PPP2R2D: variants seen among roughly 807,000 people sequenced by gnomAD.
PPP2R2D encodes the protein protein phosphatase 2 regulatory subunit Bdelta.
Under a neutral mutation model 31.1 loss-of-function variants are expected in PPP2R2D, and 9 were observed. That is an observed-to-expected ratio of 0.29 (90% CI 0.17 to 0.51). PPP2R2D has a LOEUF of 0.51. Ranked by LOEUF, PPP2R2D falls within the 20% of genes least tolerant of loss-of-function variation. The pLI is 0.98. For missense variants in PPP2R2D, 391 were observed against 465.6 expected, an observed-to-expected ratio of 0.84 and a Z score of 1.48; for synonymous variants, 179 against 172.6, an observed-to-expected ratio of 1.04 and a Z score of -0.29.
Position 131,945,534 on chromosome 10 carries a change from A to T in PPP2R2D, c.820+75A>T. On this transcript the variant is annotated intron_variant, in intron 7 of 8. Coordinates refer to ENST00000455566, the MANE Select transcript of PPP2R2D (RefSeq NM_018461.5). This position sits in a 1 kb window ranked among gnomAD's most constrained non-coding sequence, Gnocchi z 4.8. ...CGGTGCAGTGACACAGTCTCGGCTC[A>T]CGGCAAGCTCCGCCTCCCGGGTTCC... is the stretch of plus-strand genomic sequence containing the variant. 2.0e-6 allele frequency: 3 copies of T among 1,501,926 alleles called. No homozygotes were observed. Among genetic ancestry groups the T allele is most frequent in the Non-Finnish European group, 2.7e-6 (3 of 1,116,464 alleles). 93.0% of individuals were successfully genotyped at this position (1,501,926 alleles called of 1,614,324 possible). A position where few individuals can be genotyped will look rare whatever the true frequency, so the allele number is the denominator to read the frequency against.
At chr10:131,952,207 G>T (rs1367367063) in intron 8 of PPP2R2D, among the ~76,000 whole-genome samples, 1 of 71,186 alleles carries the variant, frequency 1.4e-5, no homozygotes, top group Non-Finnish European at 2.8e-5. Context: ...AGTGACTTGC[G>T]GGTGTGCGGG....
chr10:131,917,516 GTGTT>G (rs113243851), intron 2 of PPP2R2D, among the ~76,000 whole-genome samples: 12,866 of 107,644 alleles, frequency 0.12, 1,594 homozygotes, highest in Non-Finnish European at 0.15. Flanking sequence ...GAATGACACA[GTGTT>G]TGTAGGGACC....
Position 131,933,497 on chromosome 10 carries a change from T to A in PPP2R2D, c.101-961T>A, listed in dbSNP as rs1589946305. On this transcript the variant is annotated intron_variant, in intron 2 of 8. Transcript: ENST00000455566. ...GTAGTGTTCTAGCTGTTCCTGAGAC[T>A]CCCCCACACTGCAGGGTAAGGCGAG... Among the ~76,000 whole-genome samples, 6 of 152,110 alleles carry A rather than the reference T, an allele frequency of 3.9e-5. 1 individual carries two copies. The highest frequency in any genetic ancestry group is 3.9e-4 in the Admixed American group (6 of 15,278).
intron 2 of PPP2R2D, among the ~76,000 whole-genome samples, chr10:131,932,670 ACAC>A (rs2036263058): frequency 1.0e-4 from 13 of 123,884 alleles, no homozygotes; most frequent in African/African-American, 5.9e-4. Context: ...AAAAAAAAAC[ACAC>A]AAAAAAAACC....
intron 8 of PPP2R2D, among the ~76,000 whole-genome samples, chr10:131,951,479 C>T (rs893554388): frequency 2.4e-4 from 37 of 152,318 alleles, no homozygotes; most frequent in Admixed American, 2.0e-4. Context: ...GCGTACGGTG[C>T]AATGACATAC....
intron 3 of PPP2R2D, among the ~76,000 whole-genome samples, chr10:131,936,999 G>T (rs999293104): frequency 6.6e-6 from 1 of 152,232 alleles, no homozygotes; most frequent in Non-Finnish European, 1.5e-5. Flanking sequence ...TGTTGCAGCC[G>T]CCAAGAGGGT....
intron 8 of PPP2R2D, among the ~76,000 whole-genome samples, 200 bp from the exon 9 acceptor site, chr10:131,955,480 TACTG>T (rs1195789781): frequency 6.6e-6 from 1 of 152,224 alleles, no homozygotes; most frequent in Non-Finnish European, 1.5e-5. Context: ...CATGGATTCT[TACTG>T]ACATGATTAT....
chr10:131,919,520 C>T (rs1554893903), intron 2 of PPP2R2D, among the ~76,000 whole-genome samples: 1 of 113,498 alleles, frequency 8.8e-6, no homozygotes, highest in African/African-American at 3.5e-5. Context: ...TGGAATGACA[C>T]AGTGTTTGTA....
chr10:131,935,415 G>A (rs140694342), intron 3 of PPP2R2D, among the ~76,000 whole-genome samples: 55 of 152,152 alleles, frequency 3.6e-4, no homozygotes, highest in African/African-American at 8.0e-4. Context: ...TTTGTGTGAC[G>A]AACTTTGGTT....
chr10:131,927,556 A>T (rs553177046), intron 2 of PPP2R2D, among the ~76,000 whole-genome samples: 1 of 152,268 alleles, frequency 6.6e-6, no homozygotes, highest in East Asian at 1.9e-4. Flanking sequence ...CACAGGTCCC[A>T]GATATGCAGT....
intron 2 of PPP2R2D, among the ~76,000 whole-genome samples, chr10:131,913,200 T>G (rs2035712891): frequency 1.3e-5 from 2 of 151,028 alleles, no homozygotes; most frequent in South Asian, 4.2e-4. Flanking sequence ...TTTTTTTTTT[T>G]TTGTATTTTT....
chr10:131,933,754 G>A lies in PPP2R2D; in HGVS notation c.101-704G>A, dbSNP rs181532647. 1.9e-3 allele frequency among the ~76,000 whole-genome samples: 295 copies of A among 151,878 alleles called. 1 individual carries two copies. Among genetic ancestry groups the A allele is most frequent in the African/African-American group, 6.8e-3 (280 of 41,402 alleles). On this transcript the variant is annotated intron_variant, in intron 2 of 8. Transcript: ENST00000455566. ...AATCCAGACACTCCCTTCCCAACCCGAAGGGTTAGCCTCAGGACACCTGAG... is the reference window on the plus strand; with the variant it reads ...AATCCAGACACTCCCTTCCCAACCCAAAGGGTTAGCCTCAGGACACCTGAG...
At chr10:131,902,086 A>G (rs1245630477) in intron 2 of PPP2R2D, among the ~76,000 whole-genome samples, 1 of 152,138 alleles carries the variant, frequency 6.6e-6, no homozygotes, top group African/African-American at 2.4e-5. Context: ...CCAGCTTCCC[A>G]TGAAGCTTAC....
rs1343986401 is a variant in PPP2R2D, at chr10:131,957,428, C to T, written c.*1465C>T. 2 of 180,628 alleles carry T rather than the reference C, an allele frequency of 1.1e-5. No individual in the cohort carries two copies. Among genetic ancestry groups the T allele is most frequent in the Admixed American group, 6.7e-5 (1 of 14,962 alleles). 11.2% of individuals were successfully genotyped at this position (180,628 alleles called of 1,614,324 possible). A position where few individuals can be genotyped will look rare whatever the true frequency, so the allele number is the denominator to read the frequency against. On this transcript the variant is annotated 3_prime_UTR_variant, in exon 9 of 9. Transcript: ENST00000455566. ...GAGATGGAGGTGTGTGCTGATCCCC[C>T]ATCCCATCCCCCTGTCTAGATGAAG...
At chr10:131,950,848 G>A (rs2036623929) in intron 8 of PPP2R2D, among the ~76,000 whole-genome samples, 1 of 152,174 alleles carries the variant, frequency 6.6e-6, no homozygotes, top group African/African-American at 2.4e-5. Flanking sequence ...ATCTTTGTGA[G>A]CTCTGGAAAC....
At chr10:131,966,878 GTTGTTT>G in the PPP2R2D span, 1 of 107,154 alleles carries the variant, frequency 9.3e-6, no homozygotes, top group Non-Finnish European at 1.8e-5. Flanking sequence ...CCTCCAACTG[GTTGTTT>G]TTTTTTTTTT....
At chr10:131,935,288 G>A (rs2036318344) in intron 3 of PPP2R2D, among the ~76,000 whole-genome samples, 1 of 152,208 alleles carries the variant, frequency 6.6e-6, no homozygotes, top group Admixed American at 6.5e-5. Context: ...CTAAGCCTGG[G>A]GTCTGAAATA....
chr10:131,954,911 G>C (rs1554899673), intron 8 of PPP2R2D, among the ~76,000 whole-genome samples: 3 of 152,242 alleles, frequency 2.0e-5, no homozygotes, highest in Non-Finnish European at 4.4e-5. Flanking sequence ...TCTTTCATCA[G>C]AAACTGGACT....
chr10:131,920,364 GAC>G (rs1445531093), intron 2 of PPP2R2D, among the ~76,000 whole-genome samples: 1 of 130,306 alleles, frequency 7.7e-6, no homozygotes, highest in African/African-American at 2.9e-5. Context: ...CAGGTGGAAT[GAC>G]ACAGTGTAGG....
Sources: gnomAD v4.1 joint callset for allele counts (sites outside exome capture counted in the v4.1 genomes callset) on GRCh38, gnomAD v4.1.1 for gene constraint, Gnocchi (gnomAD v3.1) non-coding constraint, MANE v1.5 for transcripts, NCBI Gene and HGNC (gene_info 2026-07-23, HGNC 2026-07-21) for gene names.